MYPN: variants seen among roughly 807,000 people sequenced by gnomAD.
MYPN encodes the protein myopalladin.
In MYPN, 63 loss-of-function variants were observed where a neutral mutation model predicts 129.4. The observed-to-expected ratio is 0.49, with a 90% CI of 0.40 to 0.60. The LOEUF is 0.60. MYPN is among the 20% of genes least tolerant of loss of function. The probability of loss-of-function intolerance (pLI) is 0.00; values close to 1 mark genes in which losing one functional copy is unlikely to be tolerated. For missense variants in MYPN, 1,596 were observed against 1,635.4 expected (o/e 0.98, Z 0.42); for synonymous variants, 629 against 600.9 (o/e 1.05, Z -0.68).
chr10:68,115,810 C>T (rs952908480), intron 1 of MYPN, among the ~76,000 whole-genome samples: 7 of 152,150 alleles, frequency 4.6e-5, no homozygotes, highest in African/African-American at 1.4e-4. Flanking sequence ...TTCTTTTTCA[C>T]GCACTTCTTC....
intron 2 of MYPN, among the ~76,000 whole-genome samples, chr10:68,131,852 T>C (rs1416632594): frequency 6.6e-6 from 1 of 152,242 alleles, no homozygotes; most frequent in African/African-American, 2.4e-5. Context: ...GTTTGTTATG[T>C]AATAGAAATA....
Position 68,164,572 on chromosome 10 carries a change from G to A in MYPN, c.1484-1130G>A, listed in dbSNP as rs558424074. Among the ~76,000 whole-genome samples, 6 of 152,296 alleles carry A rather than the reference G, an allele frequency of 3.9e-5. No homozygotes were observed. The East Asian group carries it at 9.6e-4, about 24-fold the overall frequency. ...ATTATCATGAAGCACTGAGATGCCT[G>A]CCAAGTTTCTCCTAATGCAACTATT... On this transcript the variant is annotated intron_variant, in intron 8 of 19. Coordinates refer to ENST00000358913, the MANE Select transcript of MYPN (RefSeq NM_032578.4).
chr10:68,154,899 G>T (rs574572793), intron 6 of MYPN, among the ~76,000 whole-genome samples: 2 of 152,260 alleles, frequency 1.3e-5, no homozygotes, highest in Admixed American at 6.5e-5. Flanking sequence ...TCCATTTCAG[G>T]CCAGGCACGG....
intron 2 of MYPN, among the ~76,000 whole-genome samples, chr10:68,126,635 T>A (rs778828409): frequency 8.5e-5 from 13 of 152,108 alleles, no homozygotes; most frequent in Non-Finnish European, 1.6e-4. Flanking sequence ...CTGAACTTGG[T>A]GACACACCAC....
At chr10:68,108,753 G>T (rs138965830), upstream of MYPN, among the ~76,000 whole-genome samples, 1 of 151,224 alleles carries the variant, frequency 6.6e-6, no homozygotes, top group Non-Finnish European at 1.5e-5. Context: ...ACAGAGTTTC[G>T]CTCTGTCCCC....
chr10:68,180,114 G>C (rs537278147), intron 12 of MYPN, among the ~76,000 whole-genome samples: 1 of 152,224 alleles, frequency 6.6e-6, no homozygotes, highest in East Asian at 1.9e-4. Flanking sequence ...GCAGAGACAG[G>C]GTAGGCTATG....
intron 11 of MYPN, 111 bp downstream of exon 11, chr10:68,174,767 T>G: frequency 3.0e-6 from 3 of 1,004,572 alleles, no homozygotes; most frequent in Non-Finnish European, 4.6e-6. Flanking sequence ...TAGATAATCT[T>G]ATTCTCTTAG....
rs2043471808 is a variant in MYPN at position 68,189,212 on chromosome 10, A to T, written c.2925+86A>T. ...AAGAAGGTCTTTAAAAAATATACGC[A>T]ATGTTTTTTCTTCTTTTTTGTATTT... is the stretch of plus-strand genomic sequence containing the variant. On this transcript the variant is annotated intron_variant, in intron 13 of 19. Coordinates refer to ENST00000358913, the MANE Select transcript of MYPN (RefSeq NM_032578.4). 6 of 948,068 alleles carry T rather than the reference A, an allele frequency of 6.3e-6. No homozygotes were observed. The Admixed American group carries it at 9.3e-5, about 15-fold the overall frequency. 58.7% of individuals were successfully genotyped at this position (948,068 alleles called of 1,614,324 possible). A position where few individuals can be genotyped will look rare whatever the true frequency, so the allele number is the denominator to read the frequency against.
intron 1 of MYPN, among the ~76,000 whole-genome samples, chr10:68,112,191 A>T (rs2042091068): frequency 2.0e-5 from 3 of 151,962 alleles, no homozygotes; most frequent in Admixed American, 2.0e-4. Flanking sequence ...TTGATCCTAG[A>T]TTCTTGAAGT....
At chr10:68,088,521 G>A (rs181024744) in intron 1 of MYPN, among the ~76,000 whole-genome samples, 34 of 152,252 alleles carry the variant, frequency 2.2e-4, no homozygotes, top group African/African-American at 8.2e-4. Context: ...CGTTGCACAT[G>A]AATAACTCCC....
At chr10:68,104,048 G>A (rs991918857), upstream of MYPN, among the ~76,000 whole-genome samples, 11 of 152,204 alleles carry the variant, frequency 7.2e-5, no homozygotes, top group East Asian at 1.9e-4. Flanking sequence ...TCTTTAAGGC[G>A]TAATTTCCTC....
rs371437119 is a variant in MYPN, at chr10:68,148,410, A to G, written c.1188A>G (p.Pro396=). 1.2e-6 allele frequency: 2 copies of G among 1,614,076 alleles called. No homozygotes were observed. Among genetic ancestry groups the G allele is most frequent in the African/African-American group, 2.7e-5 (2 of 74,950 alleles). ...CCACTACCTCTGCAGTCATTCCTCC[A>G]GCAGTACCCCAAGCCCAGCATTTGG... ...SPPTTSAVIP[P]AVPQAQHLVA... is the part of the protein sequence containing the mutation. Residue 396 remains proline (P), a synonymous_variant, in exon 5 of 20, where the codon CCA becomes CCG. Transcript: ENST00000358913.
rs190030616 is a variant in MYPN, at chr10:68,201,746, A to C, written c.3494-83A>C. ...CAGTGAGCTGAGATCTTGCCACCAC[A>C]CTCCAGCCTGGGTGACAGAGCAAGA... On this transcript the variant is annotated intron_variant, in intron 17 of 19. Coordinates refer to ENST00000358913, the MANE Select transcript of MYPN (RefSeq NM_032578.4). The C allele has an allele frequency of 4.4e-4, 672 of 1,514,656 alleles. 8 individuals are homozygous for C. In the East Asian group the frequency reaches 0.015, roughly 34 times the overall value. 93.8% of individuals were successfully genotyped at this position (1,514,656 alleles called of 1,614,324 possible).
intron 1 of MYPN, among the ~76,000 whole-genome samples, chr10:68,100,985 A>G (rs1320641042): frequency 2.6e-5 from 4 of 152,192 alleles, no homozygotes; most frequent in African/African-American, 7.2e-5. Flanking sequence ...CTGGCACATG[A>G]TAAGTTTTCA....
intron 11 of MYPN, 101 bp from the exon 12 acceptor site, chr10:68,175,222 C>T: frequency 7.9e-7 from 1 of 1,271,114 alleles, no homozygotes; most frequent in Non-Finnish European, 1.1e-6. Flanking sequence ...TGCCTAATGA[C>T]CGCTGGTTTC....
chr10:68,107,983 G>A (rs976237153), upstream of MYPN, among the ~76,000 whole-genome samples: 1 of 152,208 alleles, frequency 6.6e-6, no homozygotes, highest in Admixed American at 6.5e-5. Flanking sequence ...GATAGTGGAG[G>A]AAGATCCTCT....
chr10:68,157,796 C>A (rs2042903330), intron 6 of MYPN, among the ~76,000 whole-genome samples: 1 of 149,132 alleles, frequency 6.7e-6, no homozygotes, highest in Non-Finnish European at 1.5e-5. Context: ...GAGCCATGAT[C>A]ACAACACTGC....
At chr10:68,142,904 G>T (rs752772955) in intron 2 of MYPN, 36 bp from the exon 3 acceptor site, 1 of 1,599,632 alleles carries the variant, frequency 6.3e-7, no homozygotes, top group African/African-American at 1.3e-5. Flanking sequence ...TCTTGCATTT[G>T]AGTCATGTCC....
intron 8 of MYPN, among the ~76,000 whole-genome samples, chr10:68,162,641 G>A (rs371886913): frequency 6.6e-6 from 1 of 152,196 alleles, no homozygotes; most frequent in African/African-American, 2.4e-5. Flanking sequence ...CAGAAAGCTG[G>A]TTTGTGATCT....
Sources: gnomAD v4.1 joint callset for allele counts (sites outside exome capture counted in the v4.1 genomes callset) on GRCh38, gnomAD v4.1.1 for gene constraint, MANE v1.5 for transcripts, NCBI Gene and HGNC (gene_info 2026-07-23, HGNC 2026-07-21) for gene names.